The following PCDHGA5 variants were observed in gnomAD, a reference collection of about 807,000 sequenced individuals.
PCDHGA5 encodes the protein protocadherin gamma subfamily A, 5.
Under a neutral mutation model 56.7 loss-of-function variants are expected in PCDHGA5, and 36 were observed. The ratio of observed to expected loss-of-function variants is 0.64; its 90% confidence interval spans 0.49 to 0.84. The LOEUF is 0.84. Among genes scored for constraint, PCDHGA5 ranks in the 40% least tolerant of loss-of-function variants. The pLI, the probability that PCDHGA5 is intolerant of heterozygous loss-of-function variation, is 0.00. For synonymous variants in PCDHGA5, 563 were observed against 520.2 expected (o/e 1.08, Z -1.12); for missense variants, 1,305 against 1,201.5 (o/e 1.09, Z -1.27).
chr5:141,408,337 G>T (rs1191967573), intron 1 of PCDHGA5: 3 of 1,613,954 alleles, frequency 1.9e-6, no homozygotes, highest in Non-Finnish European at 2.5e-6. Context: ...CCAAGGGCTC[G>T]GTGGTGGGGA....
In PCDHGA5 at chr5:141,364,645, C is replaced by A. The variant is rs1036042236; in HGVS notation, c.315C>A (p.Asn105Lys). The change falls in exon 1 of 4, where the codon AAC (asparagine) becomes AAA (lysine). Residue 105 changes from asparagine (N) to lysine (K), a missense_variant. Asn to Lys is a moderately conservative substitution (Grantham distance 94). Transcript: ENST00000518069. ...LCAQSPLCVV[N>K]FNILVENKMK... ...CTCAGAGCCCACTGTGTGTGGTGAACTTTAACATCTTGGTTGAGAACAAAA... is the reference window on the plus strand; with the variant it reads ...CTCAGAGCCCACTGTGTGTGGTGAAATTTAACATCTTGGTTGAGAACAAAA... 1 of 1,614,078 alleles carries A rather than the reference C, an allele frequency of 6.2e-7. No homozygotes were observed. Among genetic ancestry groups the A allele is most frequent in the Non-Finnish European group, 8.5e-7 (1 of 1,179,938 alleles).
intron 1 of PCDHGA5, among the ~76,000 whole-genome samples, chr5:141,437,987 C>T (rs2097922147): frequency 1.3e-5 from 2 of 152,156 alleles, no homozygotes; most frequent in African/African-American, 2.4e-5. Flanking sequence ...GCACCCACCC[C>T]ACCTCAGCCT....
At chr5:141,484,626 C>T (rs1306600907) in intron 1 of PCDHGA5, among the ~76,000 whole-genome samples, 1 of 151,972 alleles carries the variant, frequency 6.6e-6, no homozygotes, top group African/African-American at 2.4e-5. Context: ...CTGGCTTGAA[C>T]AAAGTGACCA....
chr5:141,383,633 C>T (rs1298423457), intron 1 of PCDHGA5: 1 of 1,613,966 alleles, frequency 6.2e-7, no homozygotes. Context: ...TTCTCTCTGC[C>T]TCAGTACCAA....
chr5:141,431,697 G>T lies in PCDHGA5; in HGVS notation c.2422-63110G>T, dbSNP rs1303639699. 6.2e-7 allele frequency: 1 copy of T among 1,614,206 alleles called. No homozygotes were observed. Among genetic ancestry groups the T allele is most frequent in the Admixed American group, 1.7e-5 (1 of 60,024 alleles). ...GGGGAGTTGGACCACGAGGAGTCAG[G>T]ATTCTACCAGATGGAAGTGCAAGCA... On this transcript the variant is annotated intron_variant, in intron 1 of 3. Transcript: ENST00000518069. This position sits in a 1 kb window ranked among gnomAD's most constrained non-coding sequence, Gnocchi z 4.8.
At chr5:141,459,263 C>T (rs2098964603) in intron 1 of PCDHGA5, among the ~76,000 whole-genome samples, 1 of 152,176 alleles carries the variant, frequency 6.6e-6, no homozygotes, top group South Asian at 2.1e-4. Flanking sequence ...ATTAGTGTTG[C>T]CTCTTTCAGA....
chr5:141,422,807 G>C (rs199507728), intron 1 of PCDHGA5: 7 of 1,614,198 alleles, frequency 4.3e-6, no homozygotes, highest in Non-Finnish European at 5.9e-6. Context: ...GAGCAGTTTC[G>C]AGACTTAGAA....
intron 2 of PCDHGA5, among the ~76,000 whole-genome samples, chr5:141,499,015 AG>A (rs2099788530): frequency 6.6e-6 from 1 of 151,284 alleles, no homozygotes; most frequent in Non-Finnish European, 1.5e-5. Context: ...GAAGGAAGGA[AG>A]GAAGGAAGGA....
intron 2 of PCDHGA5, among the ~76,000 whole-genome samples, chr5:141,504,909 G>C (rs948719729): frequency 6.6e-6 from 1 of 152,002 alleles, no homozygotes; most frequent in Non-Finnish European, 1.5e-5. Context: ...ACTATGACAG[G>C]AAGCCAGGCT....
Position 141,485,172 on chromosome 5 carries a change from C to A in PCDHGA5, c.2422-9635C>A. ...CAAGTAGAGAATTAGCGGGCGGCAG[C>A]AATGCTCCGCAAGGTGAGAAGCTGG... On this transcript the variant is annotated intron_variant, in intron 1 of 3. Transcript: ENST00000518069. The surrounding 1 kb of genome is among the most constrained non-coding windows in gnomAD (Gnocchi z 5.7). 6.2e-7 allele frequency: 1 copy of A among 1,610,164 alleles called. No individual in the cohort carries two copies. The highest frequency in any genetic ancestry group is 8.5e-7 in the Non-Finnish European group (1 of 1,176,940).
rs1442570663 is a variant in PCDHGA5, at chr5:141,438,613, TATATATATATATATATATATATACACAC to T, written c.2422-56192_2422-56165del. On this transcript the variant is annotated intron_variant, in intron 1 of 3. Transcript: ENST00000518069. Reference sequence around the variant, plus strand: ...ATACATATATATATATATATATATATATATATATATATATATATATATACACACACACACACACATATATGTATATATA... The same window carrying T: ...ATACATATATATATATATATATATATACACACACACATATATGTATATATA... Among the ~76,000 whole-genome samples, 243 of 36,492 alleles carry T rather than the reference TATATATATATATATATATATATACACAC, an allele frequency of 6.7e-3. 7 individuals are homozygous for T. The highest frequency in any genetic ancestry group is 0.033 in the East Asian group (37 of 1,124). The allele number at this position is 36,492 out of a possible 152,430, so 23.9% of individuals were successfully genotyped here.
In PCDHGA5 at chr5:141,421,780, G is replaced by A. The variant is rs1259671007; in HGVS notation, c.2421+55029G>A. On this transcript the variant is annotated intron_variant, in intron 1 of 3. Coordinates refer to ENST00000518069, the MANE Select transcript of PCDHGA5 (RefSeq NM_018918.3). ...TAATTACTTTTCCTTGCAACTGCGGGGCAGAACGGATGGGGCCAAGAATCC... is the reference window on the plus strand; with the variant it reads ...TAATTACTTTTCCTTGCAACTGCGGAGCAGAACGGATGGGGCCAAGAATCC... The A allele has an allele frequency of 2.5e-6, 4 of 1,613,856 alleles. No homozygotes were observed. In the South Asian group the frequency reaches 4.4e-5, roughly 18 times the overall value.
chr5:141,371,060 A>ATC (rs751376669), intron 1 of PCDHGA5: 2 of 1,613,980 alleles, frequency 1.2e-6, no homozygotes, highest in South Asian at 2.2e-5. Context: ...AGCCCTCCAG[A>ATC]AGCTGTACCA....
rs779462820 is a variant in PCDHGA5, at chr5:141,374,112, G to A, written c.2421+7361G>A. ...GCGCCTCCGCAGAGGCATCCGCAGC[G>A]CAGCGAGCAGGTCCTGCTCCTCACG... On this transcript the variant is annotated intron_variant, in intron 1 of 3. Coordinates refer to ENST00000518069, the MANE Select transcript of PCDHGA5 (RefSeq NM_018918.3). The A allele has an allele frequency of 5.1e-6, 8 of 1,578,426 alleles. No homozygotes were observed. The African/African-American group carries it at 9.5e-5, about 19-fold the overall frequency.
At chr5:141,418,128 T>C (rs1386757111) in intron 1 of PCDHGA5, 1 of 1,614,090 alleles carries the variant, frequency 6.2e-7, no homozygotes, top group South Asian at 1.1e-5. Flanking sequence ...AAGGACCGAA[T>C]AGACCGTGAG....
At chr5:141,404,516 T>G (rs968433488) in intron 1 of PCDHGA5, 1 of 1,613,754 alleles carries the variant, frequency 6.2e-7, no homozygotes, top group African/African-American at 1.3e-5. Flanking sequence ...CTCCTTTGAC[T>G]ATGAGCAGTT....
chr5:141,392,629 T>C, intron 1 of PCDHGA5: 1 of 598,736 alleles, frequency 1.7e-6, no homozygotes, highest in East Asian at 3.0e-5. Flanking sequence ...AACACTCAGA[T>C]CTCACACCTC....
At chr5:141,408,623 G>C in intron 1 of PCDHGA5, 1 of 1,614,004 alleles carries the variant, frequency 6.2e-7, no homozygotes, top group Non-Finnish European at 8.5e-7. Flanking sequence ...AATACATTTA[G>C]AAATTTTCGA....
At chr5:141,391,974 C>T (rs2092450559) in intron 1 of PCDHGA5, 1 of 152,032 alleles carries the variant, frequency 6.6e-6, no homozygotes. Flanking sequence ...AATAAAATAG[C>T]AAAACAATGT....
Sources: allele counts gnomAD v4.1 joint callset (sites outside exome capture counted in the v4.1 genomes callset), GRCh38; gene constraint gnomAD v4.1.1; non-coding constraint Gnocchi (gnomAD v3.1); transcripts MANE v1.5; gene names NCBI Gene and HGNC (gene_info 2026-07-23, HGNC 2026-07-21).